The following ECE2 variants were observed in gnomAD, a reference collection of about 807,000 sequenced individuals.
The protein encoded by ECE2 is endothelin converting enzyme 2.
In ECE2, 81 loss-of-function variants were observed where a neutral mutation model predicts 100.6. The ratio of observed to expected loss-of-function variants is 0.81; its 90% CI spans 0.67 to 0.97. The LOEUF (loss-of-function observed/expected upper bound fraction) is 0.97. Ranked by LOEUF, ECE2 falls within the 50% of genes least tolerant of loss-of-function variation. The pLI is 0.00. For synonymous variants in ECE2, 391 were observed against 391.5 expected, an observed-to-expected ratio of 1.00 and a Z score of 0.02; for missense variants, 911 against 988.1, an observed-to-expected ratio of 0.92 and a Z score of 1.05.
At chr3:184,277,117 C>T in intron 3 of ECE2, 90 bp downstream of exon 3, 1 of 1,599,646 alleles carries the variant, frequency 6.3e-7, no homozygotes. Context: ...GGGAACCAAG[C>T]CTTCCCTGCA....
At chr3:184,284,559 A>AAT (rs1475486901) in intron 8 of ECE2, among the ~76,000 whole-genome samples, 3 of 151,942 alleles carry the variant, frequency 2.0e-5, no homozygotes, top group African/African-American at 7.3e-5. Context: ...AAAAAAAAAA[A>AAT]AAATAGAAGT....
intron 8 of ECE2, 142 bp downstream of exon 8, chr3:184,284,115 G>C: frequency 9.5e-7 from 1 of 1,052,782 alleles, no homozygotes. Context: ...CTGCACTGCT[G>C]CTGTCCTGGG....
intron 7 of ECE2, among the ~76,000 whole-genome samples, chr3:184,282,550 C>T (rs1720854934): frequency 6.6e-6 from 1 of 152,220 alleles, no homozygotes; most frequent in African/African-American, 2.4e-5. Flanking sequence ...TGGCAGACAG[C>T]TGCGCTTGGG....
At chr3:184,282,254 T>C (rs759206911) in intron 7 of ECE2, among the ~76,000 whole-genome samples, 1 of 152,172 alleles carries the variant, frequency 6.6e-6, no homozygotes, top group Non-Finnish European at 1.5e-5. Context: ...ATGACTGGGA[T>C]TGGTACTCAA....
intron 7 of ECE2, among the ~76,000 whole-genome samples, chr3:184,280,782 C>T (rs191317229): frequency 6.6e-6 from 1 of 152,140 alleles, no homozygotes; most frequent in African/African-American, 2.4e-5. Context: ...AGTTTGAAAC[C>T]AGCCTGACTA....
Position 184,291,585 on chromosome 3 carries a change from T to G in ECE2, c.2121+146T>G. 1 of 795,518 alleles carries G rather than the reference T, an allele frequency of 1.3e-6. No individual in the cohort carries two copies. The highest frequency in any genetic ancestry group is 1.9e-6 in the Non-Finnish European group (1 of 526,238). The allele number at this position is 795,518 out of a possible 1,614,324, so 49.3% of individuals were successfully genotyped here. A position where few individuals can be genotyped will look rare whatever the true frequency, so the allele number is the denominator to read the frequency against. Reference sequence around the variant, plus strand: ...ATGAAAGGTGGGCTGGGAAGGCCCATGCCCAGAGCCTCCGGCCAGCCAGGG... The same window carrying G: ...ATGAAAGGTGGGCTGGGAAGGCCCAGGCCCAGAGCCTCCGGCCAGCCAGGG... On this transcript the variant is annotated intron_variant, in intron 18 of 18. Coordinates refer to ENST00000404464, the MANE Select transcript of ECE2 (RefSeq NM_001100121.2). This position sits in a 1 kb window ranked among gnomAD's most constrained non-coding sequence, Gnocchi z 4.1.
At chr3:184,279,649 T>G (rs1368264736) in intron 7 of ECE2, among the ~76,000 whole-genome samples, 1 of 110,892 alleles carries the variant, frequency 9.0e-6, no homozygotes, top group East Asian at 2.3e-4. Flanking sequence ...AGAACAAGAC[T>G]TCATCTCAAA....
At chr3:184,279,309 CAAAAAAAAAA>C (rs60647349) in intron 7 of ECE2, among the ~76,000 whole-genome samples, 1 of 79,156 alleles carries the variant, frequency 1.3e-5, no homozygotes, top group Non-Finnish European at 2.4e-5. Flanking sequence ...GACTCCGACT[CAAAAAAAAAA>C]AAAAAAAAAG....
intron 15 of ECE2, 38 bp downstream of exon 15, chr3:184,290,705 G>T (rs765283101): frequency 6.2e-7 from 1 of 1,613,012 alleles, no homozygotes; most frequent in African/African-American, 1.3e-5. Flanking sequence ...GCTGGGGCCT[G>T]GGCCTGTGGT....
In ECE2 at chr3:184,283,866, C is replaced by G; in HGVS notation, c.898C>G (p.Gln300Glu). The G allele has an allele frequency of 6.2e-7, 1 of 1,613,908 alleles. No homozygotes were observed. The highest frequency in any genetic ancestry group is 8.5e-7 in the Non-Finnish European group (1 of 1,180,006). ...GRPTSTREQM[Q>E]QVLELEIQLA... ...GCCCACCTCCACGAGGGAGCAGATG[C>G]AGCAGGTGCTGGAGTTGGAGATACA... Residue 300 changes from glutamine (Q) to glutamate (E), a missense_variant, in exon 8 of 19, where the codon CAG (glutamine) becomes GAG (glutamate). By Grantham distance (29) the Gln-to-Glu change is conservative (BLOSUM62 2). Transcript: ENST00000404464.
chr3:184,290,351 C>T lies in ECE2; in HGVS notation c.1648C>T (p.Arg550Ter), dbSNP rs200016332. The T allele has an allele frequency of 8.8e-5, 142 of 1,613,844 alleles. No individual in the cohort carries two copies. The highest frequency in any genetic ancestry group is 3.6e-4 in the East Asian group (16 of 44,872). Residue 550 changes from arginine to a stop codon, truncating the protein, a stop_gained, in exon 14 of 19, where the codon CGA becomes TGA. Coordinates refer to ENST00000404464, the MANE Select transcript of ECE2 (RefSeq NM_001100121.2). LOFTEE classifies it high-confidence loss of function. ...MADQLRKPPS[R>*]DQWSMTPQTV... ...TGACCAGCTCCGCAAGCCTCCCAGC[C>T]GAGACCAGTGAGAATGACGGGGTGG...
At chr3:184,288,737 C>T (rs1456516297) in intron 11 of ECE2, among the ~76,000 whole-genome samples, 1 of 152,170 alleles carries the variant, frequency 6.6e-6, no homozygotes, top group African/African-American at 2.4e-5. Context: ...GGGAAAAACT[C>T]TAGAAGTGGG....
Position 184,289,579 on chromosome 3 carries a change from C to T in ECE2, c.1473+44C>T. 1.9e-6 allele frequency: 3 copies of T among 1,613,542 alleles called. 1 individual carries two copies. The highest frequency in any genetic ancestry group is 8.5e-7 in the Non-Finnish European group (1 of 1,179,512). On this transcript the variant is annotated intron_variant, in intron 12 of 18. Coordinates refer to ENST00000404464, the MANE Select transcript of ECE2 (RefSeq NM_001100121.2). This position sits in a 1 kb window ranked among gnomAD's most constrained non-coding sequence, Gnocchi z 4.1. ...TGGGGCGCCATCTTGAGGTGGGGTT[C>T]AAGGATACAGTTTTGCTAGGAACCT...
chr3:184,282,240 T>C (rs994933836), intron 7 of ECE2, among the ~76,000 whole-genome samples: 11 of 152,142 alleles, frequency 7.2e-5, no homozygotes, highest in Non-Finnish European at 1.3e-4. Flanking sequence ...CCTCAGGAGC[T>C]GGGATGACTG....
Position 184,291,090 on chromosome 3 carries a change from T to A in ECE2, c.1885T>A (p.Ser629Thr), listed in dbSNP as rs149515968. Reference sequence around the variant, plus strand: ...CCTGCGGCCCTGGTGGCAGAATGAGTCCCTGGCAGCCTTCCGGAACCACAC... The same window carrying A: ...CCTGCGGCCCTGGTGGCAGAATGAGACCCTGGCAGCCTTCCGGAACCACAC... Reference protein sequence around the residue: ...GNLRPWWQNESLAAFRNHTAC... With the variant: ...GNLRPWWQNETLAAFRNHTAC... The change falls in exon 17 of 19, where the codon TCC becomes ACC. Residue 629 changes from serine (S) to threonine (T), a missense_variant. Transcript: ENST00000404464. The surrounding 1 kb of genome is among the most constrained non-coding windows in gnomAD (Gnocchi z 4.1). The A allele has an allele frequency of 3.2e-3, 5,146 of 1,596,128 alleles. 16 individuals carry two copies. The highest frequency in any genetic ancestry group is 7.4e-3 in the Middle Eastern group (44 of 5,966).
Position 184,292,576 on chromosome 3 carries a change from C to T in ECE2, c.*338C>T, listed in dbSNP as rs1046848149. On this transcript the variant is annotated 3_prime_UTR_variant, in exon 19 of 19. Coordinates refer to ENST00000404464, the MANE Select transcript of ECE2 (RefSeq NM_001100121.2). ...TCAGCCTGGCGGCCATGGGGCCTGC[C>T]GTGCCTGCCCCACTGTGACCCACAG... 1.1e-5 allele frequency: 4 copies of T among 348,196 alleles called. No homozygotes were observed. The highest frequency in any genetic ancestry group is 5.7e-5 in the East Asian group (1 of 17,408). 21.6% of individuals were successfully genotyped at this position (348,196 alleles called of 1,614,324 possible).
At chr3:184,285,236 G>A in intron 9 of ECE2, 131 bp downstream of exon 9, 1 of 1,322,536 alleles carries the variant, frequency 7.6e-7, no homozygotes, top group Non-Finnish European at 1.0e-6. Context: ...GAATCAGAAT[G>A]TCTATGGGCT....
In ECE2 at chr3:184,291,042, C is replaced by T. The variant is rs889995166; in HGVS notation, c.1837C>T (p.Arg613Cys). 2.6e-6 allele frequency: 4 copies of T among 1,564,812 alleles called. No individual in the cohort carries two copies. Among genetic ancestry groups the T allele is most frequent in the Non-Finnish European group, 3.5e-6 (4 of 1,154,028 alleles). The change falls in exon 17 of 19, where the codon CGC becomes TGC. Residue 613 changes from arginine to cysteine, a missense_variant and splice_region_variant. Physicochemically the swap from Arg to Cys is radical, Grantham distance 180 (BLOSUM62 -3). Transcript: ENST00000404464. This position sits in a 1 kb window ranked among gnomAD's most constrained non-coding sequence, Gnocchi z 4.1. ...GTGCAAAGGTGAGTTCTCCTCAGGG[C>T]GCGAGTATGACAAAGAAGGGAACCT... ...ELTHAFDDQG[R>C]EYDKEGNLRP...
At position 184,292,115 on chromosome 3, in the gene ECE2, C is replaced by T; in HGVS notation, c.2175C>T (p.Asp725=). ...GCTCTCACGAGGGGCTGGTGACCGA[C>T]CCCCACAGCCCTGCCCGCTTCCGCG... ...PESSHEGLVT[D]PHSPARFRVL... is the part of the protein sequence containing the mutation. Residue 725 remains aspartate, a synonymous_variant, in exon 19 of 19, where the codon GAC becomes GAT. Coordinates refer to ENST00000404464, the MANE Select transcript of ECE2 (RefSeq NM_001100121.2). The T allele has an allele frequency of 1.2e-6, 2 of 1,614,000 alleles. No individual in the cohort carries two copies. Among genetic ancestry groups the T allele is most frequent in the Non-Finnish European group, 1.7e-6 (2 of 1,179,992 alleles).
Sources: allele counts gnomAD v4.1 joint callset (sites outside exome capture counted in the v4.1 genomes callset), GRCh38; gene constraint gnomAD v4.1.1; non-coding constraint Gnocchi (gnomAD v3.1); transcripts MANE v1.5; gene names NCBI Gene and HGNC (gene_info 2026-07-23, HGNC 2026-07-21).